The following MYH16 variants were observed in gnomAD, a reference collection of about 807,000 sequenced individuals.
MYH16 encodes the protein putative uncharacterized protein MYH16.
chr7:99,271,451 G>A (rs1792044935), intron 19 of MYH16, among the ~76,000 whole-genome samples: 1 of 152,200 alleles, frequency 6.6e-6, no homozygotes, highest in Admixed American at 6.5e-5. Context: ...GGAGGTTGCA[G>A]TGAGCTGAGA....
chr7:99,283,663 T>G lies in MYH16; in HGVS notation n.3079+12T>G, dbSNP rs1462026200. 2.2e-6 allele frequency: 1 copy of G among 456,462 alleles called. No homozygotes were observed. Among genetic ancestry groups the G allele is most frequent in the East Asian group, 6.9e-5 (1 of 14,412 alleles). 28.3% of individuals were successfully genotyped at this position (456,462 alleles called of 1,614,324 possible). A position where few individuals can be genotyped will look rare whatever the true frequency, so the allele number is the denominator to read the frequency against. ...CGCAGATCCATGAGGTAATACCCAT[T>G]GCTGTGGCCACCTCTACAACTCCAA... On this transcript the variant is annotated intron_variant and non_coding_transcript_variant, in intron 24 of 41. Transcript: ENST00000439784.
chr7:99,264,155 T>G (rs1318423464), intron 14 of MYH16: 1 of 152,694 alleles, frequency 6.5e-6, no homozygotes, highest in Admixed American at 6.5e-5. Context: ...CCTTTTTAAA[T>G]CCAAAGAATG....
chr7:99,259,738 A>G (rs1282891242), intron 11 of MYH16, among the ~76,000 whole-genome samples: 6 of 148,400 alleles, frequency 4.0e-5, no homozygotes, highest in African/African-American at 1.5e-4. Flanking sequence ...GTGTATATAT[A>G]TATTATACAT....
chr7:99,309,330 C>T (rs541454677), downstream of MYH16, among the ~76,000 whole-genome samples: 207 of 152,246 alleles, frequency 1.4e-3, no homozygotes, highest in African/African-American at 2.5e-3. Flanking sequence ...TGCTCAGTTA[C>T]GATTCGCTAT....
chr7:99,243,206 A>G (rs1791687313), intron 1 of MYH16: 1 of 152,738 alleles, frequency 6.5e-6, no homozygotes, highest in Admixed American at 6.6e-5. Context: ...TCCAGAGGGT[A>G]TGTGGTGACC....
chr7:99,279,856 T>G (rs1562781076), intron 22 of MYH16, 119 bp downstream of exon 4: 3 of 358,962 alleles, frequency 8.4e-6, no homozygotes, highest in African/African-American at 4.3e-5. Flanking sequence ...GGCAGTTTTT[T>G]GGGGGTTTTT....
chr7:99,292,470 C>A, exon 32 of MYH16: 1 of 469,548 alleles, frequency 2.1e-6, no homozygotes, highest in East Asian at 6.5e-5. Context: ...AGTACGAGAC[C>A]GATGCCATCC....
chr7:99,245,645 A>C (rs1370784120), intron 2 of MYH16, among the ~76,000 whole-genome samples: 4 of 152,122 alleles, frequency 2.6e-5, no homozygotes, highest in African/African-American at 9.7e-5. Context: ...CTCCTGCCTC[A>C]GCCTCCTCAG....
intron 7 of MYH16, chr7:99,252,912 A>G (rs1791828047): frequency 6.5e-6 from 1 of 152,838 alleles, no homozygotes; most frequent in African/African-American, 2.4e-5. Context: ...TTGTCTGTGC[A>G]GCTACATAAT....
intron 18 of MYH16, among the ~76,000 whole-genome samples, chr7:99,270,452 G>A (rs896489203): frequency 6.6e-6 from 1 of 151,322 alleles, no homozygotes; most frequent in African/African-American, 2.4e-5. Context: ...CTCCTGAGTA[G>A]CTAGGACTAC....
chr7:99,268,508 G>A (rs1038810956), intron 18 of MYH16, among the ~76,000 whole-genome samples: 1 of 152,236 alleles, frequency 6.6e-6, no homozygotes, highest in African/African-American at 2.4e-5. Context: ...TTTACCACCT[G>A]GCCAAACAGA....
intron 39 of MYH16, among the ~76,000 whole-genome samples, chr7:99,304,241 C>T (rs1792648661): frequency 6.6e-6 from 1 of 152,204 alleles, no homozygotes; most frequent in South Asian, 2.1e-4. Flanking sequence ...CACTCAGGGC[C>T]AGACACAGTC....
chr7:99,299,927 T>TTTTATTTTA lies in MYH16; in HGVS notation n.4933+276_4933+277insTATTTATTT, dbSNP rs1405217065. On this transcript the variant is annotated intron_variant and non_coding_transcript_variant, in intron 37 of 41. Coordinates refer to ENST00000439784, the Ensembl canonical transcript of MYH16. Reference sequence around the variant, plus strand: ...TGGGCCCGTCTAGATTTTTATTTTATTTTATTTATTTATTTATTTATTTAT... The same window carrying TTTTATTTTA: ...TGGGCCCGTCTAGATTTTTATTTTATTTTATTTTATTTATTTATTTATTTATTTATTTAT... 3.3e-3 allele frequency among the ~76,000 whole-genome samples: 451 copies of TTTTATTTTA among 138,218 alleles called. 4 individuals carry two copies. The highest frequency in any genetic ancestry group is 0.011 in the African/African-American group (420 of 36,534). 90.7% of individuals were successfully genotyped at this position (138,218 alleles called of 152,430 possible). A position where few individuals can be genotyped will look rare whatever the true frequency, so the allele number is the denominator to read the frequency against.
At chr7:99,254,889 C>T (rs1791853378) in intron 8 of MYH16, among the ~76,000 whole-genome samples, 1 of 152,168 alleles carries the variant, frequency 6.6e-6, no homozygotes, top group South Asian at 2.1e-4. Context: ...AATCCCAGCA[C>T]TTTGGGAGGC....
At chr7:99,243,575 A>G (rs773436474) in intron 2 of MYH16, among the ~76,000 whole-genome samples, 1 of 152,184 alleles carries the variant, frequency 6.6e-6, no homozygotes, top group African/African-American at 2.4e-5. Context: ...CGTTTCTGAC[A>G]TGTTAGAATT....
chr7:99,273,369 C>A (rs760300096), exon 20 of MYH16: 1 of 456,636 alleles, frequency 2.2e-6, no homozygotes. Flanking sequence ...TTCAGCAGAA[C>A]GTGCACAAGT....
exon 1 of MYH16, chr7:99,239,034 A>G (rs1241705013): frequency 1.3e-5 from 2 of 152,698 alleles, no homozygotes; most frequent in African/African-American, 4.8e-5. Context: ...ACGATCACCA[A>G]CCAGGTGAGT....
exon 41 of MYH16, chr7:99,305,931 G>A (rs995854762): frequency 3.9e-5 from 6 of 152,756 alleles, no homozygotes; most frequent in African/African-American, 1.4e-4. Flanking sequence ...TCAAAGAGCT[G>A]GTCTTCCAGA....
At chr7:99,296,150 A>T (rs1277545030) in intron 33 of MYH16, among the ~76,000 whole-genome samples, 3 of 138,070 alleles carry the variant, frequency 2.2e-5, no homozygotes, top group Non-Finnish European at 3.3e-5. Flanking sequence ...TCTCAATTTA[A>T]AAAAAAAAAA....
Sources: allele counts gnomAD v4.1 joint callset (sites outside exome capture counted in the v4.1 genomes callset), GRCh38; gene constraint gnomAD v4.1.1; transcripts MANE v1.5; gene names NCBI Gene and HGNC (gene_info 2026-07-23, HGNC 2026-07-21).